The following MECOM variants were observed in gnomAD, a reference collection of about 807,000 sequenced individuals.
MECOM encodes the protein histone-lysine N-methyltransferase MECOM.
MECOM carries 13 observed loss-of-function variants against 116.3 expected under a neutral mutation model. The observed-to-expected ratio is 0.11, with a 90% confidence interval of 0.07 to 0.18. The LOEUF is 0.18. MECOM is among the 10% of genes least tolerant of loss of function. MECOM has a pLI of 1.00. For missense variants in MECOM, 1,299 were observed against 1,509.0 expected, an observed-to-expected ratio of 0.86 and a Z score of 2.31; for synonymous variants, 528 against 535.2, an observed-to-expected ratio of 0.99 and a Z score of 0.19.
chr3:169,645,167 C>A (rs1201118570), intron 1 of MECOM, among the ~76,000 whole-genome samples: 1 of 152,170 alleles, frequency 6.6e-6, no homozygotes, highest in East Asian at 1.9e-4. Flanking sequence ...AAGTCTGTGA[C>A]TGATAGCATT....
intron 1 of MECOM, among the ~76,000 whole-genome samples, chr3:169,635,170 G>T (rs1362768): frequency 6.6e-6 from 1 of 152,034 alleles, no homozygotes; most frequent in African/African-American, 2.4e-5. Context: ...GTGACTTTGG[G>T]GAAGTTACTG....
At chr3:169,202,430 T>C (rs1423119952) in intron 2 of MECOM, among the ~76,000 whole-genome samples, 3 of 152,138 alleles carry the variant, frequency 2.0e-5, no homozygotes, top group African/African-American at 4.8e-5. Context: ...TATTTTACTT[T>C]ATTGCAGAAT....
At chr3:169,085,812 A>G (rs1011883586) in intron 16 of MECOM, among the ~76,000 whole-genome samples, 2 of 152,220 alleles carry the variant, frequency 1.3e-5, no homozygotes, top group African/African-American at 4.8e-5. Flanking sequence ...AATTTTAAAT[A>G]ACTGTTCAGA....
chr3:169,289,725 G>A (rs1367553343), intron 2 of MECOM, among the ~76,000 whole-genome samples: 1 of 152,108 alleles, frequency 6.6e-6, no homozygotes, highest in Non-Finnish European at 1.5e-5. Flanking sequence ...GTTTTGTAGT[G>A]CTCGGGCAGG....
intron 10 of MECOM, among the ~76,000 whole-genome samples, chr3:169,104,054 G>A (rs1724503843): frequency 6.6e-6 from 1 of 152,192 alleles, no homozygotes; most frequent in African/African-American, 2.4e-5. Flanking sequence ...GACGACAAAT[G>A]TGAACGCATC....
At chr3:169,593,989 T>C (rs1766753482) in intron 1 of MECOM, among the ~76,000 whole-genome samples, 2 of 151,496 alleles carry the variant, frequency 1.3e-5, no homozygotes, top group African/African-American at 4.9e-5. Flanking sequence ...GGTGTGGTGG[T>C]GCACGCCTGT....
chr3:169,275,037 G>A (rs1311739714), intron 2 of MECOM, among the ~76,000 whole-genome samples: 1 of 152,118 alleles, frequency 6.6e-6, no homozygotes, highest in East Asian at 1.9e-4. Context: ...AAACAGGTAG[G>A]GCAATAACTA....
At chr3:169,399,074 C>T (rs1735463112) in intron 1 of MECOM, among the ~76,000 whole-genome samples, 1 of 152,024 alleles carries the variant, frequency 6.6e-6, no homozygotes, top group African/African-American at 2.4e-5. Context: ...TTGTCAATTG[C>T]CTGTTGCTAT....
intron 3 of MECOM, chr3:169,131,924 A>T: frequency 9.9e-7 from 1 of 1,007,962 alleles, no homozygotes. Flanking sequence ...CTCCAGCAGT[A>T]GCCTAGCTTA....
At chr3:169,111,354 CATT>C (rs1364684026) in intron 9 of MECOM, among the ~76,000 whole-genome samples, 1 of 151,974 alleles carries the variant, frequency 6.6e-6, no homozygotes, top group East Asian at 1.9e-4. Flanking sequence ...ATTTTTGTAA[CATT>C]AATGTATACA....
intron 1 of MECOM, among the ~76,000 whole-genome samples, chr3:169,594,154 C>CAAAAAAAAAAAAAAAAAAAAAA (rs34331048): frequency 1.1e-4 from 5 of 45,706 alleles, no homozygotes; most frequent in African/African-American, 2.4e-4. Context: ...ACCACCACCA[C>CAAAAAAAAAAAAAAAAAAAAAA]AAAAAAAAAA....
intron 12 of MECOM, 74 bp downstream of exon 12, chr3:169,100,811 A>G: frequency 1.2e-6 from 1 of 825,018 alleles, no homozygotes; most frequent in Non-Finnish European, 1.6e-6. Context: ...AACTTTAATT[A>G]TTATTTTATT....
Position 169,284,177 on chromosome 3 carries a change from T to G in MECOM, c.375+97010A>C, listed in dbSNP as rs1685644. 5.1e-3 allele frequency among the ~76,000 whole-genome samples: 772 copies of G among 152,268 alleles called. 5 individuals are homozygous for G. The highest frequency in any genetic ancestry group is 0.01 in the Middle Eastern group (3 of 292). On this transcript the variant is annotated intron_variant, in intron 2 of 16. Transcript: ENST00000651503. ...AGAGCCTTCCACACTCCAAGAACCA[T>G]GCGATAAGGGAAAATGAAGTTTAGG...
At chr3:169,439,992 A>C (rs1257623275) in intron 1 of MECOM, among the ~76,000 whole-genome samples, 1 of 152,140 alleles carries the variant, frequency 6.6e-6, no homozygotes, top group Non-Finnish European at 1.5e-5. Flanking sequence ...ATACATACAT[A>C]AGCAATAAAA....
At chr3:169,113,451 T>C (rs890741647) in intron 8 of MECOM, among the ~76,000 whole-genome samples, 3 of 95,350 alleles carry the variant, frequency 3.1e-5, no homozygotes, top group African/African-American at 4.3e-5. Context: ...ATATTTAATA[T>C]ATATTCAGAG....
intron 2 of MECOM, among the ~76,000 whole-genome samples, chr3:169,309,809 C>T (rs1198054395): frequency 3.3e-5 from 5 of 152,170 alleles, no homozygotes. Flanking sequence ...CTAAGGCAAA[C>T]TCATGTCGCC....
intron 2 of MECOM, among the ~76,000 whole-genome samples, chr3:169,364,955 C>T (rs552576350): frequency 5.0e-4 from 76 of 152,134 alleles, no homozygotes; most frequent in African/African-American, 1.7e-3. Flanking sequence ...TGTTTTCTAA[C>T]ATATTTACTT....
chr3:169,295,274 G>A (rs1391746070), intron 2 of MECOM, among the ~76,000 whole-genome samples: 4 of 152,086 alleles, frequency 2.6e-5, no homozygotes, highest in African/African-American at 9.7e-5. Context: ...TTATTTAAAA[G>A]GGTTAAAAAA....
chr3:169,406,065 T>G (rs1272681239), intron 1 of MECOM, among the ~76,000 whole-genome samples: 1 of 152,214 alleles, frequency 6.6e-6, no homozygotes, highest in Non-Finnish European at 1.5e-5. Flanking sequence ...CACTATAATT[T>G]TGTTTAGCCA....
Sources: gnomAD v4.1 joint callset for allele counts (sites outside exome capture counted in the v4.1 genomes callset) on GRCh38, gnomAD v4.1.1 for gene constraint, MANE v1.5 for transcripts, NCBI Gene and HGNC (gene_info 2026-07-23, HGNC 2026-07-21) for gene names.